Variants in ARHGEF7 observed in about 807,000 individuals in gnomAD.
ARHGEF7 encodes Rho guanine nucleotide exchange factor 7.
In ARHGEF7, 33 loss-of-function variants were observed where a neutral mutation model predicts 109.8. The observed-to-expected ratio is 0.30, with a 90% CI of 0.23 to 0.40. The LOEUF is 0.40. ARHGEF7 is among the 10% of genes least tolerant of loss of function. The probability of loss-of-function intolerance (pLI) is 1.00; values close to 1 mark genes in which losing one functional copy is unlikely to be tolerated. For synonymous variants in ARHGEF7, 458 were observed against 424.6 expected, an observed-to-expected ratio of 1.08 and a Z score of -0.97; for missense variants, 938 against 1,098.5, an observed-to-expected ratio of 0.85 and a Z score of 2.07.
In ARHGEF7 at chr13:111,295,153, A is replaced by C. The variant is rs991160571; in HGVS notation, c.2311+2859A>C. The C allele has an allele frequency of 5.1e-6, 5 of 985,658 alleles. No homozygotes were observed. The African/African-American group carries it at 8.7e-5, about 17-fold the overall frequency. 61.1% of individuals were successfully genotyped at this position (985,658 alleles called of 1,614,324 possible). Reference sequence around the variant, plus strand: ...GAAGTGTTTGTTTTATATTAAAAAAAACCTGTTATGTACAGTTGAAATAAA... The same window carrying C: ...GAAGTGTTTGTTTTATATTAAAAAACACCTGTTATGTACAGTTGAAATAAA... On this transcript the variant is annotated intron_variant, in intron 19 of 21. Coordinates refer to ENST00000646102, the MANE Select transcript of ARHGEF7 (RefSeq NM_001354046.2).
chr13:111,204,827 C>T (rs1012577077), intron 2 of ARHGEF7, among the ~76,000 whole-genome samples: 5 of 152,180 alleles, frequency 3.3e-5, no homozygotes, highest in Admixed American at 1.3e-4. Context: ...CTCTGATGTC[C>T]GCATTTTCTT....
intron 2 of ARHGEF7, among the ~76,000 whole-genome samples, chr13:111,170,490 A>C (rs866014003): frequency 1.3e-5 from 2 of 152,096 alleles, no homozygotes; most frequent in African/African-American, 2.4e-5. Flanking sequence ...ATTTCTTCTT[A>C]TTTTATCTCT....
chr13:111,251,847 C>T (rs1362077543), intron 8 of ARHGEF7, among the ~76,000 whole-genome samples: 1 of 152,188 alleles, frequency 6.6e-6, no homozygotes, highest in Non-Finnish European at 1.5e-5. Context: ...GGGTCACCAC[C>T]TTCACATACA....
At chr13:111,117,827 G>T (rs895970875) in intron 1 of ARHGEF7, among the ~76,000 whole-genome samples, 16 of 152,130 alleles carry the variant, frequency 1.1e-4, no homozygotes, top group African/African-American at 3.9e-4. Context: ...CTCCCAAAGT[G>T]CTGGGATTAC....
chr13:111,210,911 C>T (rs2082413300), intron 4 of ARHGEF7, among the ~76,000 whole-genome samples: 1 of 151,994 alleles, frequency 6.6e-6, no homozygotes, highest in Non-Finnish European at 1.5e-5. Flanking sequence ...TGATGGTGGT[C>T]CTCAAGAAAT....
intron 2 of ARHGEF7, among the ~76,000 whole-genome samples, chr13:111,197,104 C>T (rs2080604079): frequency 6.6e-6 from 1 of 152,186 alleles, no homozygotes; most frequent in South Asian, 2.1e-4. Context: ...TCTCCCCCTG[C>T]CCAAGAACCT....
intron 2 of ARHGEF7, among the ~76,000 whole-genome samples, chr13:111,203,335 TA>T (rs1311686052): frequency 6.6e-6 from 1 of 152,248 alleles, no homozygotes; most frequent in Admixed American, 6.5e-5. Context: ...GCTTAACCCG[TA>T]TTTGTTATAG....
At chr13:111,136,260 G>C (rs1411183008) in intron 1 of ARHGEF7, among the ~76,000 whole-genome samples, 2 of 152,186 alleles carry the variant, frequency 1.3e-5, no homozygotes, top group Middle Eastern at 3.4e-3. Context: ...AAATTCTACA[G>C]AACTCTCCAC....
intron 1 of ARHGEF7, among the ~76,000 whole-genome samples, chr13:111,134,242 G>A (rs111978313): frequency 2.0e-5 from 3 of 152,058 alleles, no homozygotes; most frequent in Non-Finnish European, 4.4e-5. Flanking sequence ...GAGTAGTGCC[G>A]CAGTAAACAT....
intron 5 of ARHGEF7, among the ~76,000 whole-genome samples, chr13:111,218,577 C>T (rs778641342): frequency 2.6e-5 from 4 of 152,102 alleles, no homozygotes; most frequent in Non-Finnish European, 5.9e-5. Context: ...TACAGTTCCT[C>T]AGATTCTGCT....
In ARHGEF7 at chr13:111,115,600, C is replaced by T. The variant is rs867832475; in HGVS notation, c.74C>T (p.Ser25Leu). Residue 25 changes from serine to leucine, a missense_variant, in exon 1 of 22, where the codon TCG (serine) becomes TTG (leucine). Ser to Leu is a moderately radical substitution (Grantham distance 145). Transcript: ENST00000646102. ...CTGGAGTCGCCCAAAAAAACCATCT[C>T]GGACCCGGAGGGCTTTCTGCAGGCG... is the stretch of plus-strand genomic sequence containing the variant. ...GVLESPKKTI[S>L]DPEGFLQASL... is the part of the protein sequence containing the mutation. 3.5e-6 allele frequency: 5 copies of T among 1,422,000 alleles called. No individual in the cohort carries two copies. Among genetic ancestry groups the T allele is most frequent in the Non-Finnish European group, 4.7e-6 (5 of 1,071,616 alleles). The allele number at this position is 1,422,000 out of a possible 1,614,324, so 88.1% of individuals were successfully genotyped here.
At chr13:111,170,007 G>C (rs1415753711) in intron 2 of ARHGEF7, among the ~76,000 whole-genome samples, 1 of 150,466 alleles carries the variant, frequency 6.6e-6, no homozygotes, top group East Asian at 1.9e-4. Flanking sequence ...CTGCAGAGGT[G>C]ACGCTTTTAG....
Position 111,292,103 on chromosome 13 carries a change from G to T in ARHGEF7, c.2135-15G>T. On this transcript the variant is annotated splice_polypyrimidine_tract_variant and intron_variant, in intron 18 of 21. Coordinates refer to ENST00000646102, the MANE Select transcript of ARHGEF7 (RefSeq NM_001354046.2). ...CCCTGCCTGTCGCGCCTGTCCCTCC[G>T]CCCGCCCGTCTTAGCATGGCAAGGC... The T allele has an allele frequency of 6.2e-7, 1 of 1,608,374 alleles. No homozygotes were observed. The highest frequency in any genetic ancestry group is 8.5e-7 in the Non-Finnish European group (1 of 1,177,214).
rs1251482634 is a variant in ARHGEF7 at position 111,153,905 on chromosome 13, G to A, written c.166G>A (p.Val56Ile). Reference sequence around the variant, plus strand: ...TCAGCGCTTGTGCTCTGTATTGCAGGTCTACCCCGAGCCCCGGAGCGAGAG... The same window carrying A: ...TCAGCGCTTGTGCTCTGTATTGCAGATCTACCCCGAGCCCCGGAGCGAGAG... The part of the protein sequence containing the change: ...ERLLPGTIEK[V>I]YPEPRSESEC... The change falls in exon 2 of 22, where the codon GTC (valine) becomes ATC (isoleucine). Residue 56 changes from valine (V) to isoleucine (I), a missense_variant and splice_region_variant. Coordinates refer to ENST00000646102, the MANE Select transcript of ARHGEF7 (RefSeq NM_001354046.2). 1 of 1,604,532 alleles carries A rather than the reference G, an allele frequency of 6.2e-7. No homozygotes were observed. Among genetic ancestry groups the A allele is most frequent in the African/African-American group, 1.4e-5 (1 of 73,236 alleles).
At chr13:111,126,150 C>T (rs1240924476) in intron 1 of ARHGEF7, among the ~76,000 whole-genome samples, 1 of 152,232 alleles carries the variant, frequency 6.6e-6, no homozygotes, top group Non-Finnish European at 1.5e-5. Flanking sequence ...AACACATTTT[C>T]TGGTTATAAT....
intron 6 of ARHGEF7, among the ~76,000 whole-genome samples, chr13:111,240,755 T>C (rs1005215366): frequency 6.6e-6 from 1 of 152,208 alleles, no homozygotes; most frequent in African/African-American, 2.4e-5. Context: ...TGTGCCACTT[T>C]TTGGTTTTTC....
intron 17 of ARHGEF7, 104 bp downstream of exon 17, chr13:111,286,344 A>G (rs1405423572): frequency 2.2e-6 from 2 of 915,830 alleles, no homozygotes; most frequent in Non-Finnish European, 3.5e-6. Flanking sequence ...GAAGACTCCA[A>G]ACAAAAGTAA....
chr13:111,267,674 C>G lies in ARHGEF7; in HGVS notation c.1073+4C>G, dbSNP rs201853337. The G allele has an allele frequency of 9.3e-6, 15 of 1,613,148 alleles. No individual in the cohort carries two copies. The Admixed American group carries it at 2.5e-4, about 27-fold the overall frequency. ...TGAATGTCCTCACGGAACACAGGTG[C>G]GCTTGCTAGGCACCTTGGCAACAGG... On this transcript the variant is annotated splice_donor_region_variant and intron_variant, in intron 9 of 21. Coordinates refer to ENST00000646102, the MANE Select transcript of ARHGEF7 (RefSeq NM_001354046.2).
chr13:111,243,152 C>G (rs1191778892), intron 6 of ARHGEF7, among the ~76,000 whole-genome samples: 1 of 152,090 alleles, frequency 6.6e-6, no homozygotes, highest in Non-Finnish European at 1.5e-5. Context: ...GTGTCTGAGA[C>G]TGTCATATTC....
Sources: gnomAD v4.1 joint callset for allele counts (sites outside exome capture counted in the v4.1 genomes callset) on GRCh38, gnomAD v4.1.1 for gene constraint, MANE v1.5 for transcripts, NCBI Gene and HGNC (gene_info 2026-07-23, HGNC 2026-07-21) for gene names.